The following SP7 variants were observed in gnomAD, a reference collection of about 807,000 sequenced individuals.
SP7 encodes transcription factor Sp7.
A neutral mutation model predicts 27.9 loss-of-function variants in SP7; 13 were observed. That is an observed-to-expected ratio of 0.47 (90% CI 0.30 to 0.74). The LOEUF is 0.74. Ranked by LOEUF, SP7 falls within the 30% of genes least tolerant of loss-of-function variation. SP7 has a pLI of 0.06. For synonymous variants in SP7, 219 were observed against 226.7 expected (o/e 0.97, Z 0.31); for missense variants, 525 against 558.0 (o/e 0.94, Z 0.60).
intron 2 of SP7, among the ~76,000 whole-genome samples, chr12:53,333,555 G>T (rs2136842760): frequency 6.6e-6 from 1 of 152,256 alleles, no homozygotes; most frequent in East Asian, 1.9e-4. Context: ...TAGGTTTGGA[G>T]CAGTCAAGGT....
chr12:53,337,685 G>C (rs1944784392), upstream of SP7, among the ~76,000 whole-genome samples: 1 of 152,200 alleles, frequency 6.6e-6, no homozygotes, highest in Non-Finnish European at 1.5e-5. Context: ...AGGAGCAGAT[G>C]GAGGTCCACG....
Position 53,335,689 on chromosome 12 carries a change from G to A in SP7, c.-43C>T. 7.8e-7 allele frequency: 1 copy of A among 1,282,766 alleles called. No homozygotes were observed. Among genetic ancestry groups the A allele is most frequent in the Non-Finnish European group, 1.1e-6 (1 of 951,454 alleles). 79.5% of individuals were successfully genotyped at this position (1,282,766 alleles called of 1,614,324 possible). A position where few individuals can be genotyped will look rare whatever the true frequency, so the allele number is the denominator to read the frequency against. ...GGTCCCAAGGAGCCAGGCAGATGGA[G>A]AGAGCTGAGCCGGGGGGTGGGGGGG... On this transcript the variant is annotated 5_prime_UTR_variant, in exon 2 of 3. Transcript: ENST00000536324.
chr12:53,342,212 G>A (rs1192761122), intron 1 of SP7, among the ~76,000 whole-genome samples: 1 of 151,898 alleles, frequency 6.6e-6, no homozygotes. Flanking sequence ...GCAGTGAGCC[G>A]AGATTGTGCC....
upstream of SP7, among the ~76,000 whole-genome samples, chr12:53,339,165 G>C (rs1944801111): frequency 6.6e-6 from 1 of 152,162 alleles, no homozygotes; most frequent in Non-Finnish European, 1.5e-5. Context: ...ACCACCCTGG[G>C]GGCCCCTCAG....
chr12:53,339,000 C>T (rs1425837874), upstream of SP7, among the ~76,000 whole-genome samples: 1 of 152,164 alleles, frequency 6.6e-6, no homozygotes, highest in South Asian at 2.1e-4. Context: ...TAACCAAGGA[C>T]CTACCTCCAC....
At chr12:53,331,339 G>T (rs1944701328) in intron 2 of SP7, among the ~76,000 whole-genome samples, 1 of 151,956 alleles carries the variant, frequency 6.6e-6, no homozygotes, top group Non-Finnish European at 1.5e-5. Context: ...GGGTGTGGTG[G>T]CAGGCGCCTG....
chr12:53,339,454 A>G (rs1399737949), upstream of SP7, among the ~76,000 whole-genome samples: 1 of 148,884 alleles, frequency 6.7e-6, no homozygotes, highest in East Asian at 2.0e-4. Flanking sequence ...GGCCGGGTGC[A>G]GTGGCTCACG....
chr12:53,329,188 G>A lies in SP7; in HGVS notation c.254C>T (p.Thr85Ile), dbSNP rs1407514601. The A allele has an allele frequency of 1.2e-6, 2 of 1,613,754 alleles. No homozygotes were observed. Among genetic ancestry groups the A allele is most frequent in the East Asian group, 4.5e-5 (2 of 44,882 alleles). The change falls in exon 3 of 3, where the codon ACC (threonine) becomes ATC (isoleucine). Residue 85 changes from threonine to isoleucine, a missense_variant. Physicochemically the swap from Thr to Ile is moderately conservative, Grantham distance 89. Coordinates refer to ENST00000536324, the MANE Select transcript of SP7 (RefSeq NM_001173467.3). The part of the protein sequence containing the change: ...LSPAGSPPAP[T>I]SGYANDYPPF... The stretch of plus-strand genomic sequence containing the variant: ...AGGGTAATCATTAGCATAGCCTGAG[G>A]TGGGTGCTGGAGGACTGCCTGCAGG...
chr12:53,335,758 A>C (rs1327336106), intron 1 of SP7, 65 bp from the exon 2 acceptor site: 5 of 1,211,784 alleles, frequency 4.1e-6, no homozygotes, highest in African/African-American at 1.6e-5. Flanking sequence ...GGAGAATGGG[A>C]GAGAAGAGAT....
Position 53,327,880 on chromosome 12 carries a change from C to G in SP7, c.*266G>C, listed in dbSNP as rs2136832406. On this transcript the variant is annotated 3_prime_UTR_variant, in exon 3 of 3. Transcript: ENST00000536324. ...TGTGTTGGTGTGGCAGGGCCAGAGT[C>G]TAGGAAGCCGGAGTGCAGGTATCAG... The G allele has an allele frequency of 2.2e-6, 1 of 461,408 alleles. No individual in the cohort carries two copies. 28.6% of individuals were successfully genotyped at this position (461,408 alleles called of 1,614,324 possible).
rs1017319661 is a variant in SP7 at position 53,331,249 on chromosome 12, A to T, written c.22-1829T>A. On this transcript the variant is annotated intron_variant, in intron 2 of 2. Transcript: ENST00000536324. ...CACTTTGGGAAGCTAAGGTGGGTGG[A>T]TCACTAGATCAGGAGTTCAAAACCA... Among the ~76,000 whole-genome samples the T allele has an allele frequency of 2.0e-5, 3 of 152,020 alleles. 1 individual carries two copies. The East Asian group carries it at 5.8e-4, about 29-fold the overall frequency.
At chr12:53,336,990 G>T (rs1944778559), upstream of SP7, among the ~76,000 whole-genome samples, 1 of 152,130 alleles carries the variant, frequency 6.6e-6, no homozygotes, top group Non-Finnish European at 1.5e-5. Flanking sequence ...GCAGAACCTG[G>T]ATCTTCTGAT....
chr12:53,333,750 C>T (rs932034402), intron 2 of SP7, among the ~76,000 whole-genome samples: 1 of 40,558 alleles, frequency 2.5e-5, no homozygotes, highest in Non-Finnish European at 5.7e-5. Context: ...AGAGAGCCCA[C>T]CCATACAAGG....
At position 53,328,138 on chromosome 12, in the gene SP7, C is replaced by T; in HGVS notation, c.*8G>A. On this transcript the variant is annotated 3_prime_UTR_variant, in exon 3 of 3. Coordinates refer to ENST00000536324, the MANE Select transcript of SP7 (RefSeq NM_001173467.3). The surrounding 1 kb of genome is among the most constrained non-coding windows in gnomAD (Gnocchi z 5.1). ...GGCAGCCCTGGGGTGGGAGACCTTC[C>T]ACCCGGCTCAGATCTCCAGCAAGTT... 1.9e-6 allele frequency: 3 copies of T among 1,602,312 alleles called. No individual in the cohort carries two copies. The highest frequency in any genetic ancestry group is 1.7e-6 in the Non-Finnish European group (2 of 1,175,422).
chr12:53,336,855 G>T (rs1393646692), upstream of SP7, among the ~76,000 whole-genome samples: 1 of 152,134 alleles, frequency 6.6e-6, no homozygotes, highest in Non-Finnish European at 1.5e-5. Context: ...TCCAGAGCAA[G>T]GCCTGGAGGA....
chr12:53,342,920 G>C (rs1296810137), intron 1 of SP7, among the ~76,000 whole-genome samples: 5 of 151,714 alleles, frequency 3.3e-5, no homozygotes, highest in Admixed American at 2.0e-4. Context: ...GCCAGTGTTG[G>C]GGGGGAATTA....
chr12:53,328,603 C>A lies in SP7; in HGVS notation c.839G>T (p.Arg280Leu), dbSNP rs200582631. The part of the protein sequence containing the change: ...CDCPNCQELE[R>L]LGAAAAGLRK... The stretch of plus-strand genomic sequence containing the variant: ...CAGCCCAGCCGCTGCTGCTCCCAGC[C>A]GCTCTAGCTCCTGGCAATTAGGGCA... Residue 280 changes from arginine (R) to leucine (L), a missense_variant, in exon 3 of 3, where the codon CGG becomes CTG. By Grantham distance (102) the Arg-to-Leu change is moderately radical (BLOSUM62 -2). Coordinates refer to ENST00000536324, the MANE Select transcript of SP7 (RefSeq NM_001173467.3). This position sits in a 1 kb window ranked among gnomAD's most constrained non-coding sequence, Gnocchi z 5.1. 3.5e-4 allele frequency: 556 copies of A among 1,609,118 alleles called. No homozygotes were observed. Among genetic ancestry groups the A allele is most frequent in the Non-Finnish European group, 4.5e-4 (527 of 1,176,306 alleles).
At chr12:53,336,772 T>G (rs113810932), upstream of SP7, among the ~76,000 whole-genome samples, 105 of 151,884 alleles carry the variant, frequency 6.9e-4, 1 homozygote, top group African/African-American at 2.4e-3. Context: ...GTGTGTATGT[T>G]GTGGGAAGAG....
rs1477891287 is a variant in SP7 at position 53,328,667 on chromosome 12, C to G, written c.775G>C (p.Gly259Arg). ...PRGASTGGSGGYGGSGAGRSS... is the reference protein window; with the variant it reads ...PRGASTGGSGRYGGSGAGRSS... Reference sequence around the variant, plus strand: ...CGCCCTGCCCCACTGCCCCCATATCCACCACTACCCCCAGTGCTTGCACCC... The same window carrying G: ...CGCCCTGCCCCACTGCCCCCATATCGACCACTACCCCCAGTGCTTGCACCC... The change falls in exon 3 of 3, where the codon GGA (glycine) becomes CGA (arginine). Residue 259 changes from glycine to arginine, a missense_variant. Coordinates refer to ENST00000536324, the MANE Select transcript of SP7 (RefSeq NM_001173467.3). The surrounding 1 kb of genome is among the most constrained non-coding windows in gnomAD (Gnocchi z 5.1). The G allele has an allele frequency of 6.2e-7, 1 of 1,609,190 alleles. No homozygotes were observed. Among genetic ancestry groups the G allele is most frequent in the African/African-American group, 1.3e-5 (1 of 74,846 alleles).
Sources: allele counts gnomAD v4.1 joint callset (sites outside exome capture counted in the v4.1 genomes callset), GRCh38; gene constraint gnomAD v4.1.1; non-coding constraint Gnocchi (gnomAD v3.1); transcripts MANE v1.5; gene names NCBI Gene and HGNC (gene_info 2026-07-23, HGNC 2026-07-21).